Variants in PAN3 observed in about 807,000 individuals in gnomAD.
PAN3 encodes PAN2-PAN3 deadenylation complex subunit PAN3.
PAN3 carries 19 observed loss-of-function variants against 96.2 expected under a neutral mutation model. That is an observed-to-expected ratio of 0.20 (90% CI 0.14 to 0.29). The LOEUF (loss-of-function observed/expected upper bound fraction) is 0.29, where lower values mean the gene tolerates loss of function less well. Ranked by LOEUF, PAN3 falls within the 10% of genes least tolerant of loss-of-function variation. The pLI is 1.00. For synonymous variants in PAN3, 433 were observed against 406.6 expected (o/e 1.06, Z -0.78); for missense variants, 882 against 1,108.1 (o/e 0.80, Z 2.90).
chr13:28,272,188 CTA>C, intron 14 of PAN3, 117 bp downstream of exon 14: 1 of 627,212 alleles, frequency 1.6e-6, no homozygotes, highest in Non-Finnish European at 2.6e-6. Context: ...GGGGTGGTGT[CTA>C]TGCAGACTTT....
At chr13:28,246,750 A>G (rs1884231699) in intron 6 of PAN3, among the ~76,000 whole-genome samples, 1 of 152,152 alleles carries the variant, frequency 6.6e-6, no homozygotes, top group Admixed American at 6.5e-5. Context: ...GCTGAAAATG[A>G]CAGGATGTCA....
chr13:28,241,991 T>G (rs1305638356), intron 6 of PAN3, among the ~76,000 whole-genome samples: 3 of 151,908 alleles, frequency 2.0e-5, no homozygotes, highest in African/African-American at 4.9e-5. Context: ...GGATTTAGTT[T>G]GGTTATTGGA....
At chr13:28,216,242 C>T (rs1880749975) in intron 5 of PAN3, among the ~76,000 whole-genome samples, 1 of 149,046 alleles carries the variant, frequency 6.7e-6, no homozygotes, top group African/African-American at 2.5e-5. Flanking sequence ...ATGTGTATGA[C>T]CCATTTATGT....
chr13:28,273,252 T>C (rs1311478531), intron 14 of PAN3, among the ~76,000 whole-genome samples: 3 of 152,210 alleles, frequency 2.0e-5, no homozygotes, highest in Non-Finnish European at 4.4e-5. Flanking sequence ...GTTTCTTATT[T>C]CCTGATTTAA....
At chr13:28,144,211 G>GTTTTTTT (rs972669575) in intron 1 of PAN3, among the ~76,000 whole-genome samples, 354 of 101,472 alleles carry the variant, frequency 3.5e-3, no homozygotes, top group Middle Eastern at 6.4e-3. Flanking sequence ...AAGTTTTTTT[G>GTTTTTTT]TTTTTTTTTT....
chr13:28,255,430 T>C (rs1383277031), intron 6 of PAN3, among the ~76,000 whole-genome samples: 1 of 152,210 alleles, frequency 6.6e-6, no homozygotes, highest in Non-Finnish European at 1.5e-5. Flanking sequence ...GTCTTTTACA[T>C]GTGACCTGGT....
At chr13:28,225,372 C>G (rs1157606965) in intron 6 of PAN3, among the ~76,000 whole-genome samples, 1 of 152,040 alleles carries the variant, frequency 6.6e-6, no homozygotes, top group Non-Finnish European at 1.5e-5. Flanking sequence ...AAGTTCTGTG[C>G]CAAAAAACAA....
chr13:28,152,541 G>A (rs767278076), intron 1 of PAN3, among the ~76,000 whole-genome samples: 2 of 151,736 alleles, frequency 1.3e-5, no homozygotes, highest in East Asian at 1.9e-4. Context: ...CCGAGATGGC[G>A]CTATTGCACT....
chr13:28,145,421 T>G, intron 1 of PAN3, among the ~76,000 whole-genome samples: 1 of 151,940 alleles, frequency 6.6e-6, no homozygotes, highest in East Asian at 1.9e-4. Flanking sequence ...GCCTCCTGGG[T>G]TCAAGCAATT....
chr13:28,178,036 C>CTT lies in PAN3; in HGVS notation c.690+105_690+106dup. 4.0e-6 allele frequency: 4 copies of CTT among 997,360 alleles called. No individual in the cohort carries two copies. The South Asian group carries it at 5.7e-5, about 14-fold the overall frequency. 61.8% of individuals were successfully genotyped at this position (997,360 alleles called of 1,614,324 possible). ...AATGTTTTTGTAAGTGGAGGGAGAGCTTTTTATGGGCTTTAGTGTTTTTCC... is the reference window on the plus strand; with the variant it reads ...AATGTTTTTGTAAGTGGAGGGAGAGCTTTTTTTATGGGCTTTAGTGTTTTTCC... On this transcript the variant is annotated intron_variant, in intron 4 of 18. Transcript: ENST00000380958.
In PAN3 at chr13:28,138,580, T is replaced by A; in HGVS notation, c.-78T>A. 1 of 397,478 alleles carries A rather than the reference T, an allele frequency of 2.5e-6. No individual in the cohort carries two copies. The highest frequency in any genetic ancestry group is 4.5e-5 in the East Asian group (1 of 22,086). The allele number at this position is 397,478 out of a possible 1,614,324, so 24.6% of individuals were successfully genotyped here. A position where few individuals can be genotyped will look rare whatever the true frequency, so the allele number is the denominator to read the frequency against. On this transcript the variant is annotated 5_prime_UTR_variant, in exon 1 of 19. Coordinates refer to ENST00000380958, the MANE Select transcript of PAN3 (RefSeq NM_175854.8). ...GCTTTTATCCGGCACCGGCAGCGTC[T>A]TCCTTTCCTCCCCCGTCTATGGTGG...
At chr13:28,145,812 T>C (rs1039886042) in intron 1 of PAN3, among the ~76,000 whole-genome samples, 1 of 147,912 alleles carries the variant, frequency 6.8e-6, no homozygotes, top group African/African-American at 2.5e-5. Flanking sequence ...CAGGCTGGAG[T>C]GCAGTGGCGC....
At chr13:28,253,755 T>G (rs989295306) in intron 6 of PAN3, among the ~76,000 whole-genome samples, 2 of 152,002 alleles carry the variant, frequency 1.3e-5, no homozygotes, top group East Asian at 1.9e-4. Flanking sequence ...GACTACAGGC[T>G]CACACCACTG....
rs10577740 is a variant in PAN3 at position 28,139,514 on chromosome 13, TTGTGTGTGTGTGTG to T, written c.430+451_430+464del. Among the ~76,000 whole-genome samples the T allele has an allele frequency of 1.3e-4, 12 of 93,134 alleles. 1 individual carries two copies. The highest frequency in any genetic ancestry group is 4.1e-4 in the South Asian group (1 of 2,424). 61.1% of individuals were successfully genotyped at this position (93,134 alleles called of 152,430 possible). Reference sequence around the variant, plus strand: ...GGTTCCCTAGTGGGGAGGGGTGTGTTTGTGTGTGTGTGTGTGTGTGTGTGTGTGTGTGTGTGTAG... The same window carrying T: ...GGTTCCCTAGTGGGGAGGGGTGTGTTTGTGTGTGTGTGTGTGTGTGTGTAG... On this transcript the variant is annotated intron_variant, in intron 1 of 18. Coordinates refer to ENST00000380958, the MANE Select transcript of PAN3 (RefSeq NM_175854.8).
At chr13:28,208,837 C>T (rs1048300954) in intron 5 of PAN3, among the ~76,000 whole-genome samples, 3 of 152,040 alleles carry the variant, frequency 2.0e-5, no homozygotes, top group African/African-American at 7.3e-5. Flanking sequence ...TACGATAATT[C>T]CATTCAGCGA....
rs752309039 is a variant in PAN3, at chr13:28,267,290, T to C, written c.1691-10T>C. The C allele has an allele frequency of 3.7e-6, 6 of 1,613,604 alleles. No individual in the cohort carries two copies. Among genetic ancestry groups the C allele is most frequent in the Non-Finnish European group, 5.1e-6 (6 of 1,179,602 alleles). On this transcript the variant is annotated splice_polypyrimidine_tract_variant and intron_variant, in intron 11 of 18. Coordinates refer to ENST00000380958, the MANE Select transcript of PAN3 (RefSeq NM_175854.8). ...GCTTTCAGTAATGAGTGTTTGTGTT[T>C]TATTTTAAGCTCTTGTGTTTGCATA...
At chr13:28,291,698 G>A (rs1248209987) in intron 18 of PAN3, among the ~76,000 whole-genome samples, 4 of 152,084 alleles carry the variant, frequency 2.6e-5, no homozygotes, top group African/African-American at 9.7e-5. Context: ...GGGCGTGGTG[G>A]CAGGTGCCTA....
chr13:28,281,806 C>T (rs1371438770), intron 17 of PAN3, among the ~76,000 whole-genome samples: 1 of 139,712 alleles, frequency 7.2e-6, no homozygotes, highest in Non-Finnish European at 1.5e-5. Flanking sequence ...GAGTCTCCCT[C>T]TGTCGCCAGG....
intron 5 of PAN3, among the ~76,000 whole-genome samples, chr13:28,203,801 T>C (rs1391743754): frequency 1.3e-5 from 2 of 151,510 alleles, no homozygotes; most frequent in Non-Finnish European, 2.9e-5. Context: ...TTTTCTTTTT[T>C]CTTTTCTTTT....
Sources: allele counts gnomAD v4.1 joint callset (sites outside exome capture counted in the v4.1 genomes callset), GRCh38; gene constraint gnomAD v4.1.1; transcripts MANE v1.5; gene names NCBI Gene and HGNC (gene_info 2026-07-23, HGNC 2026-07-21).